Variants in DMD observed in about 807,000 individuals in gnomAD.
DMD encodes mutant dystrophin.
DMD carries 63 observed loss-of-function variants against 330.1 expected under a neutral mutation model. That is an observed-to-expected ratio of 0.19 (90% CI 0.16 to 0.24). DMD has a LOEUF of 0.24. Among genes scored for constraint, DMD ranks in the 10% least tolerant of loss-of-function variants. DMD has a pLI of 1.00. For synonymous variants in DMD, 1,223 were observed against 959.8 expected (o/e 1.27, Z -5.07); for missense variants, 3,344 against 2,684.1 (o/e 1.25, Z -5.43).
At chrX:31,195,162 C>G (rs2042751677) in intron 67 of DMD, among the ~76,000 whole-genome samples, 2 of 111,865 alleles carry the variant, frequency 1.8e-5, no homozygotes, top group Admixed American at 1.9e-4. Context: ...CCAGCAGTCA[C>G]TGCTCTAAAT....
At chrX:32,264,335 T>A (rs1045585022) in intron 43 of DMD, among the ~76,000 whole-genome samples, 1 of 112,017 alleles carries the variant, frequency 8.9e-6, no homozygotes, top group African/African-American at 3.2e-5. Context: ...TAAACCTCGT[T>A]CCTTTATAAA....
At chrX:31,804,561 C>T (rs2092221550) in intron 50 of DMD, among the ~76,000 whole-genome samples, 1 of 111,763 alleles carries the variant, frequency 8.9e-6, no homozygotes, top group Admixed American at 9.5e-5. Flanking sequence ...TTTCAATTAC[C>T]CTTCAAATAA....
At chrX:33,203,437 GAAGCTTTTCTACT>G (rs1393162208) in intron 1 of DMD, among the ~76,000 whole-genome samples, 1 of 111,126 alleles carries the variant, frequency 9.0e-6, no homozygotes, top group Non-Finnish European at 1.9e-5. Flanking sequence ...AATATTTATT[GAAGCTTTTCTACT>G]AAGGCAACAT....
chrX:33,093,551 C>T (rs1471331449), intron 1 of DMD, among the ~76,000 whole-genome samples: 1 of 111,844 alleles, frequency 8.9e-6, no homozygotes, highest in African/African-American at 3.2e-5. Context: ...TATATATATA[C>T]TTCTTTATTT....
At chrX:32,211,869 G>A (rs192147446) in intron 44 of DMD, among the ~76,000 whole-genome samples, 113 of 111,811 alleles carry the variant, frequency 1.0e-3, no homozygotes, top group Non-Finnish European at 9.4e-4. Flanking sequence ...TAATCTAATG[G>A]TAATTGTTAT....
intron 17 of DMD, among the ~76,000 whole-genome samples, chrX:32,532,319 T>C (rs1190758306): frequency 8.9e-6 from 1 of 112,253 alleles, no homozygotes; most frequent in Non-Finnish European, 1.9e-5. Context: ...CTAGAATAAG[T>C]GCAGCTTCCA....
intron 51 of DMD, among the ~76,000 whole-genome samples, chrX:31,749,184 G>C (rs1387059981): frequency 1.8e-5 from 2 of 108,488 alleles, no homozygotes; most frequent in Admixed American, 9.9e-5. Flanking sequence ...GGGTACATGT[G>C]CACAATGTGC....
intron 2 of DMD, among the ~76,000 whole-genome samples, chrX:32,997,669 C>T (rs2093161393): frequency 1.8e-5 from 2 of 112,195 alleles, no homozygotes; most frequent in African/African-American, 3.2e-5. Flanking sequence ...AAGTTCTCTG[C>T]CCTCCCACTA....
At chrX:31,729,787 GC>G in intron 51 of DMD, 39 bp from the exon 52 acceptor site, 1 of 1,056,462 alleles carries the variant, frequency 9.5e-7, no homozygotes, top group Non-Finnish European at 1.3e-6. Flanking sequence ...GGGTTCTTCA[GC>G]GTTGTGTATT....
At chrX:33,057,101 G>C (rs1173967034) in intron 1 of DMD, among the ~76,000 whole-genome samples, 1 of 111,571 alleles carries the variant, frequency 9.0e-6, no homozygotes, top group African/African-American at 3.3e-5. Context: ...TCTAACAATA[G>C]TATTCTGGGA....
At chrX:33,025,215 A>C (rs1269741618) in intron 1 of DMD, among the ~76,000 whole-genome samples, 1 of 112,341 alleles carries the variant, frequency 8.9e-6, no homozygotes, top group Admixed American at 9.4e-5. Context: ...GAAAGTAAAG[A>C]AGGAATAAAG....
At chrX:32,268,913 C>T (rs115684913) in intron 43 of DMD, among the ~76,000 whole-genome samples, 2,096 of 107,960 alleles carry the variant, frequency 0.019, 19 homozygotes, top group African/African-American at 0.039. Flanking sequence ...CCCACCCCCG[C>T]CACCCCAACC....
chrX:31,333,968 C>A (rs79812679), intron 61 of DMD, among the ~76,000 whole-genome samples: 1 of 110,209 alleles, frequency 9.1e-6, no homozygotes, highest in East Asian at 2.8e-4. Flanking sequence ...AGTCTTGCTC[C>A]GTCACCCAGG....
At chrX:33,085,367 G>A (rs749607105) in intron 1 of DMD, among the ~76,000 whole-genome samples, 131 of 110,914 alleles carry the variant, frequency 1.2e-3, no homozygotes, top group African/African-American at 4.2e-3. Flanking sequence ...TTTTACTATA[G>A]CACTAAGTGC....
At position 32,898,317 on chromosome X, in the gene DMD, T is replaced by C. The variant is rs150874774; in HGVS notation, c.94-48497A>G. 4.1e-3 allele frequency among the ~76,000 whole-genome samples: 462 copies of C among 112,257 alleles called. 5 individuals are homozygous for C. Among genetic ancestry groups the C allele is most frequent in the African/African-American group, 0.014 (421 of 30,922 alleles). ...AGATTTGAACTGGTAGCCATTGATC[T>C]AATTCAGGCCTGAGATACATTTGGC... is the stretch of plus-strand genomic sequence containing the variant. On this transcript the variant is annotated intron_variant, in intron 2 of 78. Coordinates refer to ENST00000357033, the MANE Select transcript of DMD (RefSeq NM_004006.3).
intron 7 of DMD, among the ~76,000 whole-genome samples, chrX:32,724,119 T>A (rs960027859): frequency 1.8e-5 from 2 of 112,340 alleles, no homozygotes; most frequent in African/African-American, 6.5e-5. Flanking sequence ...TACATTTAAA[T>A]GGTGCAATTC....
chrX:33,057,870 TTTTG>T (rs200364379), intron 1 of DMD, among the ~76,000 whole-genome samples: 1,378 of 111,537 alleles, frequency 0.012, 18 homozygotes, highest in African/African-American at 0.042. Context: ...AATTTTTGTT[TTTTG>T]TTTGTTTTTT....
In DMD at chrX:32,644,236, T is replaced by A. The variant is rs1214709701; in HGVS notation, c.1227A>T (p.Thr409=). Residue 409 remains threonine, a synonymous_variant, in exon 11 of 79, where the codon ACA becomes ACT. Coordinates refer to ENST00000357033, the MANE Select transcript of DMD (RefSeq NM_004006.3). ...TTTCTTCATCTTCTGATAATTTTCC[T>A]GTTCCAATCAGCTTACTTCCCAATT... The part of the protein sequence containing the change: ...ILQLGSKLIG[T]GKLSEDEETE... 8.3e-7 allele frequency: 1 copy of A among 1,209,547 alleles called. No homozygotes were observed. The highest frequency in any genetic ancestry group is 1.1e-6 in the Non-Finnish European group (1 of 894,871).
chrX:31,998,410 T>C (rs1263132653), intron 44 of DMD, among the ~76,000 whole-genome samples: 1 of 112,088 alleles, frequency 8.9e-6, no homozygotes, highest in Non-Finnish European at 1.9e-5. Flanking sequence ...TACCCAGATC[T>C]GACTGTGTAC....
Sources: gnomAD v4.1 joint callset for allele counts (sites outside exome capture counted in the v4.1 genomes callset) on GRCh38, gnomAD v4.1.1 for gene constraint, MANE v1.5 for transcripts, NCBI Gene and HGNC (gene_info 2026-07-23, HGNC 2026-07-21) for gene names.